The following PTAR1 variants were observed in gnomAD, a reference collection of about 807,000 sequenced individuals.
PTAR1 encodes the protein protein prenyltransferase alpha subunit repeat-containing protein 1.
PTAR1 carries 17 observed loss-of-function variants against 45.5 expected under a neutral mutation model. That is an observed-to-expected ratio of 0.37 (90% CI 0.26 to 0.56). PTAR1 has a LOEUF of 0.56. Ranked by LOEUF, PTAR1 falls within the 20% of genes least tolerant of loss-of-function variation. PTAR1 has a pLI of 0.77. For synonymous variants in PTAR1, 169 were observed against 171.3 expected, an observed-to-expected ratio of 0.99 and a Z score of 0.11; for missense variants, 391 against 476.3, an observed-to-expected ratio of 0.82 and a Z score of 1.67.
At chr9:69,736,707 G>A (rs991752631) in intron 3 of PTAR1, among the ~76,000 whole-genome samples, 13 of 151,920 alleles carry the variant, frequency 8.6e-5, no homozygotes, top group Non-Finnish European at 1.5e-4. Context: ...CAAAAAAGAG[G>A]CAGTTACCCT....
At position 69,723,569 on chromosome 9, in the gene PTAR1, C is replaced by T; in HGVS notation, c.704G>A (p.Ser235Asn). 2 of 1,613,824 alleles carry T rather than the reference C, an allele frequency of 1.2e-6. No individual in the cohort carries two copies. Among genetic ancestry groups the T allele is most frequent in the Non-Finnish European group, 1.7e-6 (2 of 1,179,772 alleles). ...HWASMHVSDH[S>N]GFHYRQFLLK... ...CAAAAACTGGCGGTAGTGAAATCCA[C>T]TGTGGTCTGAAACGTGCATAGATGC... The change falls in exon 6 of 8, where the codon AGT (serine) becomes AAT (asparagine). Residue 235 changes from serine (S) to asparagine (N), a missense_variant. Physicochemically the swap from Ser to Asn is conservative, Grantham distance 46. Coordinates refer to ENST00000340434, the MANE Select transcript of PTAR1 (RefSeq NM_001099666.2).
rs1824666683 is a variant in PTAR1 at position 69,714,869 on chromosome 9, T to TA, written c.*3472dup. 6.6e-6 allele frequency: 1 copy of TA among 151,982 alleles called. No individual in the cohort carries two copies. 9.4% of individuals were successfully genotyped at this position (151,982 alleles called of 1,614,324 possible). ...TTAATACATATCAAATCCCTAAGCTTAAAAAATGACTCATACAGATTTAAG... is the reference window on the plus strand; with the variant it reads ...TTAATACATATCAAATCCCTAAGCTTAAAAAAATGACTCATACAGATTTAAG... On this transcript the variant is annotated 3_prime_UTR_variant, in exon 8 of 8. Coordinates refer to ENST00000340434, the MANE Select transcript of PTAR1 (RefSeq NM_001099666.2).
At position 69,713,381 on chromosome 9, in the gene PTAR1, T is replaced by C. The variant is rs994804514; in HGVS notation, c.*4961A>G. ...AGGAATATATTATTCAACAGTTCTC[T>C]GTAAAAGCACTTTGGAATCTTTAGC... On this transcript the variant is annotated 3_prime_UTR_variant, in exon 8 of 8. Transcript: ENST00000340434. 6.6e-6 allele frequency: 1 copy of C among 152,178 alleles called. No individual in the cohort carries two copies. The highest frequency in any genetic ancestry group is 1.5e-5 in the Non-Finnish European group (1 of 68,010). 9.4% of individuals were successfully genotyped at this position (152,178 alleles called of 1,614,324 possible).
chr9:69,757,950 T>C (rs1259325468), intron 1 of PTAR1: 1 of 152,232 alleles, frequency 6.6e-6, no homozygotes, highest in Non-Finnish European at 1.5e-5. Context: ...AACAATGAGT[T>C]AAGCTATTTA....
In PTAR1 at chr9:69,720,156, C is replaced by T. The variant is rs182174954; in HGVS notation, c.948-1472G>A. Among the ~76,000 whole-genome samples the T allele has an allele frequency of 4.1e-3, 629 of 152,348 alleles. 3 individuals are homozygous for T. The highest frequency in any genetic ancestry group is 0.011 in the South Asian group (54 of 4,824). On this transcript the variant is annotated intron_variant, in intron 6 of 7. Transcript: ENST00000340434. ...GAGGAAGGCATGTCCAAAGGTGAGA[C>T]AGGCTGAAAGCTAGGCCTCTTGTGC...
chr9:69,746,685 T>C (rs1826289787), intron 2 of PTAR1, among the ~76,000 whole-genome samples: 1 of 152,056 alleles, frequency 6.6e-6, no homozygotes, highest in Admixed American at 6.5e-5. Context: ...GACTAACCCA[T>C]CATCACGCCA....
At position 69,709,778 on chromosome 9, in the gene PTAR1, A is replaced by G. The variant is rs1046278612; in HGVS notation, c.*8564T>C. 6.6e-6 allele frequency: 1 copy of G among 152,128 alleles called. No individual in the cohort carries two copies. Among genetic ancestry groups the G allele is most frequent in the African/African-American group, 2.4e-5 (1 of 41,452 alleles). 9.4% of individuals were successfully genotyped at this position (152,128 alleles called of 1,614,324 possible). On this transcript the variant is annotated 3_prime_UTR_variant, in exon 8 of 8. Transcript: ENST00000340434. The stretch of plus-strand genomic sequence containing the variant: ...ATCCCAGGGCTGTTTGTTAATATAC[A>G]TGATTATATTGTAAGAATAATATAA...
At chr9:69,743,016 A>G (rs1057478612) in intron 2 of PTAR1, among the ~76,000 whole-genome samples, 1 of 152,144 alleles carries the variant, frequency 6.6e-6, no homozygotes, top group African/African-American at 2.4e-5. Flanking sequence ...ATCTAGGGGC[A>G]CAGTACTAAA....
At chr9:69,744,299 T>C (rs909832224) in intron 2 of PTAR1, among the ~76,000 whole-genome samples, 1 of 152,134 alleles carries the variant, frequency 6.6e-6, no homozygotes, top group Admixed American at 6.5e-5. Flanking sequence ...TTCTGGCTCA[T>C]GTCTTCCCGT....
intron 3 of PTAR1, among the ~76,000 whole-genome samples, chr9:69,740,811 C>T (rs1034077729): frequency 2.0e-5 from 3 of 151,876 alleles, no homozygotes; most frequent in Non-Finnish European, 4.4e-5. Flanking sequence ...GTCACAAATA[C>T]GAGTCATATA....
chr9:69,742,293 T>G (rs1392662649), intron 2 of PTAR1, among the ~76,000 whole-genome samples: 1 of 152,146 alleles, frequency 6.6e-6, no homozygotes, highest in Admixed American at 6.5e-5. Context: ...ACATAATTCA[T>G]TTACATTCTC....
intron 3 of PTAR1, 108 bp downstream of exon 3, chr9:69,741,684 A>C (rs1026986695): frequency 2.9e-6 from 2 of 697,934 alleles, no homozygotes; most frequent in Non-Finnish European, 5.0e-6. Flanking sequence ...AGAAGAAATA[A>C]GTGTAAAATG....
intron 3 of PTAR1, among the ~76,000 whole-genome samples, chr9:69,736,774 G>C (rs755468014): frequency 1.3e-5 from 2 of 151,942 alleles, no homozygotes; most frequent in African/African-American, 4.8e-5. Flanking sequence ...TGCAACCACT[G>C]CGGTACAGAA....
chr9:69,734,022 T>C (rs1016949509), intron 4 of PTAR1, 128 bp downstream of exon 4: 2 of 606,806 alleles, frequency 3.3e-6, no homozygotes, highest in South Asian at 2.1e-5. Context: ...TAGATTTAAA[T>C]GTAGGTAACC....
At chr9:69,749,644 A>G (rs1277579271) in intron 2 of PTAR1, among the ~76,000 whole-genome samples, 1 of 152,100 alleles carries the variant, frequency 6.6e-6, no homozygotes, top group African/African-American at 2.4e-5. Flanking sequence ...AAACCTTCAG[A>G]GTCCCTTTCT....
chr9:69,754,022 T>C (rs777269826), intron 1 of PTAR1, among the ~76,000 whole-genome samples: 3 of 152,220 alleles, frequency 2.0e-5, no homozygotes, highest in Non-Finnish European at 2.9e-5. Flanking sequence ...TGTCAAGTTA[T>C]GTGACCCTAA....
At chr9:69,750,996 C>T (rs1033500859) in intron 1 of PTAR1, 46 bp from the exon 2 acceptor site, 4 of 1,289,478 alleles carry the variant, frequency 3.1e-6, no homozygotes, top group Admixed American at 2.8e-5. Flanking sequence ...AGGATACTAA[C>T]CTTTTCAACA....
intron 3 of PTAR1, among the ~76,000 whole-genome samples, chr9:69,739,086 G>A (rs1297196504): frequency 1.3e-5 from 2 of 152,088 alleles, no homozygotes; most frequent in South Asian, 2.1e-4. Context: ...GATTACAGGC[G>A]TGAGCCACCA....
chr9:69,730,962 C>T (rs983349708), intron 5 of PTAR1, among the ~76,000 whole-genome samples: 8 of 152,112 alleles, frequency 5.3e-5, no homozygotes, highest in Admixed American at 4.6e-4. Flanking sequence ...CAGTAGAGTC[C>T]CTATTTTATA....
Sources: allele counts gnomAD v4.1 joint callset (sites outside exome capture counted in the v4.1 genomes callset), GRCh38; gene constraint gnomAD v4.1.1; transcripts MANE v1.5; gene names NCBI Gene and HGNC (gene_info 2026-07-23, HGNC 2026-07-21).